Variants in ASTN1 observed in about 807,000 individuals in gnomAD.
ASTN1 encodes astrotactin 1.
Under a neutral mutation model 140.7 loss-of-function variants are expected in ASTN1, and 41 were observed. The observed-to-expected ratio is 0.29, with a 90% CI of 0.23 to 0.38. The LOEUF (loss-of-function observed/expected upper bound fraction) is 0.38, where lower values mean the gene tolerates loss of function less well. Among genes scored for constraint, ASTN1 ranks in the 10% least tolerant of loss-of-function variants. ASTN1 has a pLI of 1.00. For synonymous variants in ASTN1, 640 were observed against 652.2 expected, an observed-to-expected ratio of 0.98 and a Z score of 0.29; for missense variants, 1,479 against 1,678.8, an observed-to-expected ratio of 0.88 and a Z score of 2.08.
chr1:177,111,692 G>A (rs1042334377), intron 1 of ASTN1, among the ~76,000 whole-genome samples: 4 of 152,164 alleles, frequency 2.6e-5, no homozygotes, highest in East Asian at 1.9e-4. Flanking sequence ...AGACTGGTAC[G>A]AGAGTTTAAG....
chr1:177,143,264 A>C (rs1682554996), intron 1 of ASTN1, among the ~76,000 whole-genome samples: 1 of 152,224 alleles, frequency 6.6e-6, no homozygotes, highest in Admixed American at 6.5e-5. Context: ...CTCTAGTACG[A>C]ACATTTCCAA....
chr1:176,989,060 GTAAT>G (rs1674038958), intron 8 of ASTN1, among the ~76,000 whole-genome samples: 1 of 152,212 alleles, frequency 6.6e-6, no homozygotes, highest in African/African-American at 2.4e-5. Flanking sequence ...GAGGTCTTAA[GTAAT>G]TAATAGGCTG....
rs201877277 is a variant in ASTN1, at chr1:177,089,132, CT to C, written c.284-27868del. ...TAACTAGCTACAGCCAGTTATTTGC[CT>C]CAAAAGCAGAGGAGGTGACCCAGAA... On this transcript the variant is annotated intron_variant, in intron 1 of 22. Transcript: ENST00000361833. Among the ~76,000 whole-genome samples the C allele has an allele frequency of 5.0e-3, 761 of 152,216 alleles. 4 individuals are homozygous for C. Among genetic ancestry groups the C allele is most frequent in the Admixed American group, 8.4e-3 (128 of 15,284 alleles).
chr1:176,858,790 G>A (rs1667883552), downstream of ASTN1, among the ~76,000 whole-genome samples: 1 of 152,158 alleles, frequency 6.6e-6, no homozygotes, highest in Non-Finnish European at 1.5e-5. Flanking sequence ...TGGGGTAACT[G>A]GGCTGTGACT....
At chr1:177,113,001 G>A (rs1680896046) in intron 1 of ASTN1, among the ~76,000 whole-genome samples, 1 of 152,098 alleles carries the variant, frequency 6.6e-6, no homozygotes, top group South Asian at 2.1e-4. Context: ...CTTTCCCAAC[G>A]CTGAACAAAG....
Position 177,149,688 on chromosome 1 carries a change from TAC to T in ASTN1, c.283+14704_283+14705del, listed in dbSNP as rs569476555. Among the ~76,000 whole-genome samples the T allele has an allele frequency of 4.1e-5, 3 of 72,628 alleles. 1 individual carries two copies. The highest frequency in any genetic ancestry group is 3.1e-4 in the African/African-American group (3 of 9,786). The allele number at this position is 72,628 out of a possible 152,430, so 47.6% of individuals were successfully genotyped here. A position where few individuals can be genotyped will look rare whatever the true frequency, so the allele number is the denominator to read the frequency against. On this transcript the variant is annotated intron_variant, in intron 1 of 22. Transcript: ENST00000361833. The stretch of plus-strand genomic sequence containing the variant: ...ATAGTAAATATATATACACTGTATA[TAC>T]ATAGTAAATATATATACACTGTATA...
intron 1 of ASTN1, among the ~76,000 whole-genome samples, chr1:177,074,370 T>G (rs1404774876): frequency 6.6e-6 from 1 of 152,190 alleles, no homozygotes; most frequent in Non-Finnish European, 1.5e-5. Context: ...ACAAATATAG[T>G]AACTTACCAT....
intron 1 of ASTN1, among the ~76,000 whole-genome samples, chr1:177,098,441 G>A (rs1680143365): frequency 6.6e-6 from 1 of 152,118 alleles, no homozygotes; most frequent in African/African-American, 2.4e-5. Flanking sequence ...AAGCTGACAT[G>A]TTAACTATTT....
chr1:177,148,627 C>T (rs1480701626), intron 1 of ASTN1, among the ~76,000 whole-genome samples: 1 of 149,350 alleles, frequency 6.7e-6, no homozygotes, highest in Admixed American at 6.7e-5. Flanking sequence ...TCTCTTTTTT[C>T]TTCTTTTTTT....
At chr1:177,131,657 G>A (rs1681947233) in intron 1 of ASTN1, among the ~76,000 whole-genome samples, 3 of 152,178 alleles carry the variant, frequency 2.0e-5, no homozygotes, top group Admixed American at 1.3e-4. Context: ...ACATACCTAC[G>A]TGTCAGAAGG....
At chr1:176,960,687 T>A (rs2103134703) in intron 9 of ASTN1, among the ~76,000 whole-genome samples, 1 of 152,316 alleles carries the variant, frequency 6.6e-6, no homozygotes, top group African/African-American at 2.4e-5. Flanking sequence ...TTCTTCTGCT[T>A]CTTTTTTCAC....
chr1:177,033,398 C>G (rs1479822259), intron 2 of ASTN1, among the ~76,000 whole-genome samples: 1 of 152,170 alleles, frequency 6.6e-6, no homozygotes, highest in Non-Finnish European at 1.5e-5. Context: ...ACCACTTAAC[C>G]ACCCAGGGTG....
At chr1:176,958,233 A>T in intron 10 of ASTN1, 112 bp downstream of exon 10, 1 of 1,542,210 alleles carries the variant, frequency 6.5e-7, no homozygotes, top group Non-Finnish European at 8.8e-7. Context: ...CTGCCTGCCA[A>T]TTTTTCCTTT....
chr1:177,025,573 C>T (rs73045458), intron 5 of ASTN1, among the ~76,000 whole-genome samples: 11 of 151,604 alleles, frequency 7.3e-5, no homozygotes, highest in African/African-American at 1.7e-4. Flanking sequence ...GAAAGCAAGA[C>T]GACAGAATGT....
chr1:177,150,163 T>A (rs1682964657), intron 1 of ASTN1, among the ~76,000 whole-genome samples: 1 of 152,034 alleles, frequency 6.6e-6, no homozygotes, highest in African/African-American at 2.4e-5. Flanking sequence ...ATGCTAAGTG[T>A]AAAGACAGGA....
In ASTN1 at chr1:177,113,453, T is replaced by A. The variant is rs117672262; in HGVS notation, c.283+50941A>T. On this transcript the variant is annotated intron_variant, in intron 1 of 22. Transcript: ENST00000361833. ...GAGAATATGAGCTGTGGAGAAGGTG[T>A]CCTCAATACTGTCATCCCCTTGACC... 2.2e-4 allele frequency among the ~76,000 whole-genome samples: 34 copies of A among 152,306 alleles called. No individual in the cohort carries two copies. In the East Asian group the frequency reaches 6.4e-3, roughly 29 times the overall value.
At chr1:176,989,714 G>C (rs186087826) in intron 8 of ASTN1, among the ~76,000 whole-genome samples, 1 of 152,178 alleles carries the variant, frequency 6.6e-6, no homozygotes, top group Non-Finnish European at 1.5e-5. Flanking sequence ...GCAGGGCCAT[G>C]ACATTTTGCT....
Position 177,032,674 on chromosome 1 carries a change from C to T in ASTN1, c.647G>A (p.Ser216Asn), listed in dbSNP as rs1456139681. 3 of 1,614,008 alleles carry T rather than the reference C, an allele frequency of 1.9e-6. No individual in the cohort carries two copies. The African/African-American group carries it at 4.0e-5, about 22-fold the overall frequency. The change falls in exon 3 of 23, where the codon AGC (serine) becomes AAC (asparagine). Residue 216 changes from serine (S) to asparagine (N), a missense_variant. Around this residue, in one of 3 missense-constraint regions of ASTN1, gnomAD observed 729 missense variants for 860.4 expected, o/e 0.85. Transcript: ENST00000361833. ...SVLIGGHGRE[S>N]LRNARVQGHN... ...GCCCTGCACGCGGGCATTGCGCAGG[C>T]TCTCCCGTCCGTGCCCGCCGATCAG...
intron 1 of ASTN1, among the ~76,000 whole-genome samples, chr1:177,063,299 GC>G (rs1678188758): frequency 6.6e-6 from 1 of 152,080 alleles, no homozygotes; most frequent in Admixed American, 6.6e-5. Context: ...AGGGATCAGA[GC>G]CCTCTTCCAT....
Sources: gnomAD v4.1 joint callset for allele counts (sites outside exome capture counted in the v4.1 genomes callset) on GRCh38, gnomAD v4.1.1 for gene constraint, gnomAD v4.1.1 regional missense constraint, MANE v1.5 for transcripts, NCBI Gene and HGNC (gene_info 2026-07-23, HGNC 2026-07-21) for gene names.